The following TMEM9B variants were observed in gnomAD, a reference collection of about 807,000 sequenced individuals.
TMEM9B encodes TMEM9 domain family member B, also known as transmembrane protein 9B.
A neutral mutation model predicts 23.5 loss-of-function variants in TMEM9B; 8 were observed. The ratio of observed to expected loss-of-function variants is 0.34; its 90% confidence interval spans 0.20 to 0.61. TMEM9B has a LOEUF of 0.61. Among genes scored for constraint, TMEM9B ranks in the 20% least tolerant of loss-of-function variants. TMEM9B has a pLI of 0.78. For missense variants in TMEM9B, 197 were observed against 252.3 expected, an observed-to-expected ratio of 0.78 and a Z score of 1.49; for synonymous variants, 106 against 96.3, an observed-to-expected ratio of 1.10 and a Z score of -0.59.
chr11:8,952,855 A>G, intron 4 of TMEM9B: 1 of 478,328 alleles, frequency 2.1e-6, no homozygotes, highest in East Asian at 3.3e-5. Flanking sequence ...ATTTGGTGAT[A>G]TTGACAGAGA....
At chr11:8,958,117 C>G (rs990083408) in intron 2 of TMEM9B, among the ~76,000 whole-genome samples, 2 of 135,444 alleles carry the variant, frequency 1.5e-5, no homozygotes, top group African/African-American at 5.5e-5. Flanking sequence ...CGAGATCGTG[C>G]CATTGCACTC....
chr11:8,954,188 T>G (rs1853932168), intron 3 of TMEM9B, among the ~76,000 whole-genome samples: 1 of 152,140 alleles, frequency 6.6e-6, no homozygotes, highest in Admixed American at 6.5e-5. Context: ...ACATGAAATG[T>G]CCATGTATGC....
intron 2 of TMEM9B, among the ~76,000 whole-genome samples, chr11:8,959,392 C>G (rs1022226521): frequency 5.3e-5 from 8 of 152,176 alleles, no homozygotes; most frequent in Non-Finnish European, 8.8e-5. Flanking sequence ...GAGCTATGAT[C>G]GTGCCACTGC....
intron 1 of TMEM9B, chr11:8,962,935 C>T (rs778747052): frequency 2.0e-5 from 3 of 152,256 alleles, no homozygotes; most frequent in African/African-American, 7.2e-5. Context: ...CCCAGAGGAC[C>T]TTGCCCACTC....
intron 4 of TMEM9B, among the ~76,000 whole-genome samples, chr11:8,951,062 T>C (rs1853866029): frequency 6.6e-6 from 1 of 152,114 alleles, no homozygotes; most frequent in Admixed American, 6.5e-5. Context: ...TCTCAAATAG[T>C]CAATACACAA....
At chr11:8,953,448 T>A (rs536810782) in intron 3 of TMEM9B, 111 bp from the exon 4 acceptor site, 1 of 1,038,226 alleles carries the variant, frequency 9.6e-7, no homozygotes, top group Admixed American at 2.6e-5. Context: ...AGGATTTCTA[T>A]ACAAACCAGA....
rs1853950090 is a variant in TMEM9B, at chr11:8,955,107, C to T, written c.306+1083G>A. 2.1e-5 allele frequency among the ~76,000 whole-genome samples: 3 copies of T among 145,182 alleles called. No homozygotes were observed. In the South Asian group the frequency reaches 6.4e-4, roughly 31 times the overall value. On this transcript the variant is annotated intron_variant, in intron 3 of 4. Transcript: ENST00000534025. ...CGGAGGTTGCAGTGAGCCAAGATTA[C>T]ACCACTGCACTCCAGCCTGGGCAAT...
At chr11:8,964,689 C>A (rs1854168153), upstream of TMEM9B, 1 of 211,458 alleles carries the variant, frequency 4.7e-6, no homozygotes, top group Non-Finnish European at 9.3e-6. Context: ...GCTGGAAAGT[C>A]CTCCCGCCCA....
In TMEM9B at chr11:8,964,266, G is replaced by C. The variant is rs1274700521; in HGVS notation, c.48C>G (p.Ser16Arg). The change falls in exon 1 of 5, where the codon AGC becomes AGG. Residue 16 changes from serine (S) to arginine (R), a missense_variant. Coordinates refer to ENST00000534025, the MANE Select transcript of TMEM9B (RefSeq NM_020644.3). ...GGLLRLGSLL[S>R]LSCLALSVLL... ...GCACGGAAAGCGCCAGGCACGACAG[G>C]CTGAGCAAGGAGCCAAGCCGAAGAA... The C allele has an allele frequency of 6.3e-7, 1 of 1,596,628 alleles. No individual in the cohort carries two copies. Among genetic ancestry groups the C allele is most frequent in the Admixed American group, 1.7e-5 (1 of 57,728 alleles).
At chr11:8,956,833 C>T (rs1386903192) in intron 2 of TMEM9B, among the ~76,000 whole-genome samples, 1 of 152,146 alleles carries the variant, frequency 6.6e-6, no homozygotes, top group African/African-American at 2.4e-5. Context: ...GATCCTCCTG[C>T]CTCAACCTCC....
intron 1 of TMEM9B, among the ~76,000 whole-genome samples, chr11:8,963,145 A>G (rs1854111358): frequency 6.6e-6 from 1 of 152,238 alleles, no homozygotes; most frequent in South Asian, 2.1e-4. Flanking sequence ...ATCACAATAC[A>G]TAAAGTTATG....
chr11:8,957,256 G>T lies in TMEM9B; in HGVS notation c.198-958C>A, dbSNP rs1853991965. Among the ~76,000 whole-genome samples, 1 of 152,178 alleles carries T rather than the reference G, an allele frequency of 6.6e-6. No individual in the cohort carries two copies. The highest frequency in any genetic ancestry group is 1.5e-5 in the Non-Finnish European group (1 of 68,018). ...AACTAACAAAGGGATGAGTGTTTTT[G>T]TTGAATGTTACTTATTTCCCCAACC... On this transcript the variant is annotated intron_variant, in intron 2 of 4. Transcript: ENST00000534025. This position sits in a 1 kb window ranked among gnomAD's most constrained non-coding sequence, Gnocchi z 4.3.
At chr11:8,950,585 G>A (rs756954592) in intron 4 of TMEM9B, among the ~76,000 whole-genome samples, 1 of 152,194 alleles carries the variant, frequency 6.6e-6, no homozygotes, top group Non-Finnish European at 1.5e-5. Context: ...CCATCAGAAC[G>A]AGATTGAACT....
intron 3 of TMEM9B, among the ~76,000 whole-genome samples, chr11:8,954,579 A>G (rs1209637943): frequency 2.0e-5 from 3 of 152,128 alleles, no homozygotes; most frequent in African/African-American, 7.2e-5. Flanking sequence ...GTGAGCCACC[A>G]TGCCTGGCCT....
At chr11:8,951,683 G>A (rs1853878311) in intron 4 of TMEM9B, among the ~76,000 whole-genome samples, 1 of 151,690 alleles carries the variant, frequency 6.6e-6, no homozygotes, top group South Asian at 2.1e-4. Flanking sequence ...GCGTGAACCC[G>A]GGAGGCGGAG....
chr11:8,964,363 C>CGCCTCG lies in TMEM9B; in HGVS notation c.-51_-50insCGAGGC, dbSNP rs1555229130. 1.4e-4 allele frequency: 216 copies of CGCCTCG among 1,492,126 alleles called. No individual in the cohort carries two copies. The highest frequency in any genetic ancestry group is 1.4e-4 in the Non-Finnish European group (157 of 1,119,294). 92.4% of individuals were successfully genotyped at this position (1,492,126 alleles called of 1,614,324 possible). A position where few individuals can be genotyped will look rare whatever the true frequency, so the allele number is the denominator to read the frequency against. ...GCCCGGAGCCCCCGCGACCGGCTCC[C>CGCCTCG]GGCTCGGGCTCAGGCTCAGGCTCAG... On this transcript the variant is annotated 5_prime_UTR_variant, in exon 1 of 5. Coordinates refer to ENST00000534025, the MANE Select transcript of TMEM9B (RefSeq NM_020644.3).
chr11:8,961,393 T>C (rs146773654), intron 2 of TMEM9B, among the ~76,000 whole-genome samples: 163 of 152,362 alleles, frequency 1.1e-3, no homozygotes, highest in Non-Finnish European at 1.6e-3. Flanking sequence ...CACAATTCTA[T>C]GGGAAGGAAC....
chr11:8,964,396 C>T lies in TMEM9B; in HGVS notation c.-83G>A. On this transcript the variant is annotated 5_prime_UTR_variant, in exon 1 of 5. Transcript: ENST00000534025. ...GCTCAGGCTCAGGCTCAGGCTCAGG[C>T]ACAGGCTTGGGACCCGGCTGGGGAT... 6.6e-7 allele frequency: 1 copy of T among 1,510,944 alleles called. No homozygotes were observed. The highest frequency in any genetic ancestry group is 8.8e-7 in the Non-Finnish European group (1 of 1,132,766). The allele number at this position is 1,510,944 out of a possible 1,614,324, so 93.6% of individuals were successfully genotyped here.
At position 8,964,269 on chromosome 11, in the gene TMEM9B, G is replaced by A. The variant is rs941837950; in HGVS notation, c.45C>T (p.Leu15=). The A allele has an allele frequency of 1.9e-6, 3 of 1,596,366 alleles. No homozygotes were observed. The highest frequency in any genetic ancestry group is 1.1e-5 in the South Asian group (1 of 88,308). The change falls in exon 1 of 5, where the codon CTC becomes CTT. Residue 15 remains leucine (L), a synonymous_variant. Coordinates refer to ENST00000534025, the MANE Select transcript of TMEM9B (RefSeq NM_020644.3). ...WGGLLRLGSL[L]SLSCLALSVL... ...CGGAAAGCGCCAGGCACGACAGGCT[G>A]AGCAAGGAGCCAAGCCGAAGAAGGC...
Sources: allele counts gnomAD v4.1 joint callset (sites outside exome capture counted in the v4.1 genomes callset), GRCh38; gene constraint gnomAD v4.1.1; non-coding constraint Gnocchi (gnomAD v3.1); transcripts MANE v1.5; gene names NCBI Gene and HGNC (gene_info 2026-07-23, HGNC 2026-07-21).